Variants in KIF16B observed in about 807,000 individuals in gnomAD.
The protein encoded by KIF16B is kinesin-like protein KIF16B.
A neutral mutation model predicts 156.3 loss-of-function variants in KIF16B; 98 were observed. The ratio of observed to expected loss-of-function variants is 0.63; its 90% CI spans 0.53 to 0.74. KIF16B has a LOEUF of 0.74. Among genes scored for constraint, KIF16B ranks in the 30% least tolerant of loss-of-function variants. KIF16B has a pLI of 0.00. For synonymous variants in KIF16B, 564 were observed against 583.7 expected, an observed-to-expected ratio of 0.97 and a Z score of 0.49; for missense variants, 1,421 against 1,606.5, an observed-to-expected ratio of 0.88 and a Z score of 1.97.
chr20:16,364,869 C>G (rs191245168), intron 22 of KIF16B, among the ~76,000 whole-genome samples: 1 of 152,136 alleles, frequency 6.6e-6, no homozygotes, highest in Non-Finnish European at 1.5e-5. Context: ...GATTTTTATA[C>G]GATGCTCGTA....
chr20:16,511,378 G>A, intron 6 of KIF16B, 40 bp downstream of exon 6: 1 of 1,091,328 alleles, frequency 9.2e-7, no homozygotes, highest in Admixed American at 2.2e-5. Context: ...TTTTTACATA[G>A]ATCACAAAAA....
chr20:16,528,624 T>C (rs2069637337), intron 1 of KIF16B, among the ~76,000 whole-genome samples, 184 bp from the exon 2 acceptor site: 1 of 152,134 alleles, frequency 6.6e-6, no homozygotes, highest in Non-Finnish European at 1.5e-5. Flanking sequence ...ATACGCAAAA[T>C]GATGCCACCA....
chr20:16,445,135 G>T (rs1171125749), intron 12 of KIF16B, among the ~76,000 whole-genome samples: 2 of 152,072 alleles, frequency 1.3e-5, no homozygotes, highest in Non-Finnish European at 2.9e-5. Context: ...AAGAGTTCCA[G>T]GCTGCAGTGA....
chr20:16,534,114 CG>C (rs2069861751), intron 1 of KIF16B, among the ~76,000 whole-genome samples: 1 of 151,904 alleles, frequency 6.6e-6, no homozygotes, highest in South Asian at 2.1e-4. Flanking sequence ...AAAAATTAGC[CG>C]AGCATGGTGG....
At chr20:16,421,897 C>G (rs1337320097) in intron 15 of KIF16B, among the ~76,000 whole-genome samples, 1 of 152,086 alleles carries the variant, frequency 6.6e-6, no homozygotes, top group Non-Finnish European at 1.5e-5. Flanking sequence ...GCTAATAAAA[C>G]AATTAAGAGC....
intron 11 of KIF16B, 41 bp from the exon 12 acceptor site, chr20:16,494,391 A>C: frequency 7.6e-7 from 1 of 1,322,174 alleles, no homozygotes; most frequent in Non-Finnish European, 1.1e-6. Flanking sequence ...TTCATAAAGA[A>C]AGTTTATAAT....
chr20:16,326,370 T>C (rs538414902), intron 24 of KIF16B, among the ~76,000 whole-genome samples: 4 of 150,198 alleles, frequency 2.7e-5, no homozygotes, highest in African/African-American at 2.4e-5. Context: ...AGACAGCCCA[T>C]AGAGTGGGAG....
chr20:16,571,532 A>G (rs1453319365), intron 1 of KIF16B, among the ~76,000 whole-genome samples: 1 of 148,096 alleles, frequency 6.8e-6, no homozygotes, highest in Non-Finnish European at 1.5e-5. Context: ...ATGCCAGTAC[A>G]TAATCCCTCT....
At chr20:16,365,052 G>A (rs1168188478) in intron 22 of KIF16B, among the ~76,000 whole-genome samples, 1 of 152,072 alleles carries the variant, frequency 6.6e-6, no homozygotes, top group Non-Finnish European at 1.5e-5. Flanking sequence ...GCATCCCTCT[G>A]CTGGCATCTT....
intron 25 of KIF16B, among the ~76,000 whole-genome samples, chr20:16,293,586 T>C (rs558490683): frequency 6.6e-6 from 1 of 151,820 alleles, no homozygotes; most frequent in South Asian, 2.1e-4. Flanking sequence ...AGGGAAGACA[T>C]GGGTACAGGA....
Position 16,285,163 on chromosome 20 carries a change from G to A in KIF16B, c.3796-11752C>T, listed in dbSNP as rs951204941. Among the ~76,000 whole-genome samples, 76 of 152,256 alleles carry A rather than the reference G, an allele frequency of 5.0e-4. 1 individual carries two copies. The highest frequency in any genetic ancestry group is 1.3e-4 in the Non-Finnish European group (9 of 68,018). ...ACTTTAAAATTAAATAGCAACATGT[G>A]ACTGGTGGCTACTGTACTGGATAGC... On this transcript the variant is annotated intron_variant, in intron 25 of 25. Transcript: ENST00000354981.
At chr20:16,433,646 T>C (rs536465251) in intron 12 of KIF16B, among the ~76,000 whole-genome samples, 3 of 151,754 alleles carry the variant, frequency 2.0e-5, no homozygotes, top group East Asian at 3.9e-4. Context: ...CACTTCCATA[T>C]ATATAATGGG....
At chr20:16,475,181 C>T (rs2067775160) in intron 12 of KIF16B, among the ~76,000 whole-genome samples, 1 of 152,156 alleles carries the variant, frequency 6.6e-6, no homozygotes, top group Admixed American at 6.5e-5. Flanking sequence ...CCATAGAGTG[C>T]CTGAACCTAA....
chr20:16,428,963 C>T lies in KIF16B; in HGVS notation c.1464G>A (p.Glu488=), dbSNP rs1029193663. The T allele has an allele frequency of 3.1e-6, 5 of 1,613,212 alleles. No homozygotes were observed. The African/African-American group carries it at 6.7e-5, about 22-fold the overall frequency. Residue 488 remains glutamate, a synonymous_variant, in exon 14 of 26, where the codon GAG becomes GAA. Transcript: ENST00000354981. ...GATAAATATGCTCACCAATATCTTGCTCCGTGGAAGCATCGTCTCTACCAA... is the reference window on the plus strand; with the variant it reads ...GATAAATATGCTCACCAATATCTTGTTCCGTGGAAGCATCGTCTCTACCAA... ...TYVGRDDAST[E]QDIVLHGLDL...
At chr20:16,417,252 C>T (rs192190062) in intron 15 of KIF16B, among the ~76,000 whole-genome samples, 2 of 152,236 alleles carry the variant, frequency 1.3e-5, no homozygotes, top group South Asian at 2.1e-4. Flanking sequence ...CAGAAGAATG[C>T]TAAGACTTTG....
chr20:16,365,927 C>A (rs1259548493), intron 22 of KIF16B, among the ~76,000 whole-genome samples: 1 of 152,108 alleles, frequency 6.6e-6, no homozygotes, highest in African/African-American at 2.4e-5. Context: ...GTGGGCTGAG[C>A]AAGACAGAAG....
intron 12 of KIF16B, among the ~76,000 whole-genome samples, chr20:16,451,500 T>A (rs1428073310): frequency 8.6e-5 from 13 of 151,638 alleles, no homozygotes; most frequent in Admixed American, 7.2e-4. Flanking sequence ...CACTATGCCA[T>A]TTGCATTAAG....
chr20:16,504,298 A>G, intron 10 of KIF16B, 74 bp downstream of exon 10: 1 of 1,445,404 alleles, frequency 6.9e-7, no homozygotes, highest in Non-Finnish European at 9.6e-7. Context: ...GAGTGAGAAA[A>G]TTGTCTCATT....
intron 23 of KIF16B, among the ~76,000 whole-genome samples, chr20:16,351,976 T>C (rs1322614428): frequency 6.6e-6 from 1 of 152,164 alleles, no homozygotes; most frequent in Non-Finnish European, 1.5e-5. Flanking sequence ...CATGGGTAAA[T>C]CTCCAAAACA....
Sources: allele counts gnomAD v4.1 joint callset (sites outside exome capture counted in the v4.1 genomes callset), GRCh38; gene constraint gnomAD v4.1.1; transcripts MANE v1.5; gene names NCBI Gene and HGNC (gene_info 2026-07-23, HGNC 2026-07-21).